Variants in ILDR1 observed in about 807,000 individuals in gnomAD.
ILDR1 encodes the protein immunoglobulin like domain containing receptor 1.
ILDR1 carries 56 observed loss-of-function variants against 62.4 expected under a neutral mutation model. The ratio of observed to expected loss-of-function variants is 0.90; its 90% CI spans 0.72 to 1.12. The LOEUF (loss-of-function observed/expected upper bound fraction) is 1.12. Ranked by LOEUF, ILDR1 falls within the 50% of genes most tolerant of loss-of-function variation. The probability of loss-of-function intolerance (pLI) is 0.00; values close to 1 mark genes in which losing one functional copy is unlikely to be tolerated. For synonymous variants in ILDR1, 284 were observed against 277.8 expected (o/e 1.02, Z -0.22); for missense variants, 736 against 710.6 (o/e 1.04, Z -0.41).
the ILDR1 span, chr3:122,055,301 C>CA: frequency 1.7e-6 from 1 of 583,622 alleles, no homozygotes; most frequent in African/African-American, 1.9e-5. Context: ...CAAGTGTGGT[C>CA]AAAATCTGTA....
chr3:121,999,886 A>C (rs1248018930), intron 5 of ILDR1, among the ~76,000 whole-genome samples: 1 of 152,194 alleles, frequency 6.6e-6, no homozygotes, highest in Non-Finnish European at 1.5e-5. Flanking sequence ...GATAAGGTCT[A>C]ATTCTTCTTT....
At position 121,994,323 on chromosome 3, in the gene ILDR1, A is replaced by T; in HGVS notation, c.647-10T>A. On this transcript the variant is annotated splice_polypyrimidine_tract_variant and intron_variant, in intron 5 of 7. Coordinates refer to ENST00000344209, the MANE Select transcript of ILDR1 (RefSeq NM_001199799.2). ...CGGTGGCGGGCCAGGGCTGCAGGGA[A>T]AGAAGGAGAAATGCAGGCCCTCAGC... 6.5e-7 allele frequency: 1 copy of T among 1,529,798 alleles called. No individual in the cohort carries two copies. The highest frequency in any genetic ancestry group is 1.7e-4 in the Middle Eastern group (1 of 5,782). The allele number at this position is 1,529,798 out of a possible 1,614,324, so 94.8% of individuals were successfully genotyped here. A position where few individuals can be genotyped will look rare whatever the true frequency, so the allele number is the denominator to read the frequency against.
intron 6 of ILDR1, 25 bp downstream of exon 6, chr3:121,994,155 CTA>C: frequency 6.5e-7 from 1 of 1,535,318 alleles, no homozygotes; most frequent in Non-Finnish European, 8.7e-7. Context: ...CTGCCCTCCC[CTA>C]TCCCAAATCT....
chr3:122,025,844 T>C (rs966448491), upstream of ILDR1, among the ~76,000 whole-genome samples: 1 of 152,196 alleles, frequency 6.6e-6, no homozygotes, highest in East Asian at 1.9e-4. Context: ...CACTAGAAGA[T>C]TCAGACTATG....
chr3:121,994,047 A>C, intron 6 of ILDR1, 77 bp from the exon 7 acceptor site: 1 of 1,519,110 alleles, frequency 6.6e-7, no homozygotes, highest in Non-Finnish European at 8.9e-7. Context: ...TCAAAATGTG[A>C]CATTGGTTAG....
At chr3:121,991,576 GT>G (rs1463859960) in intron 7 of ILDR1, among the ~76,000 whole-genome samples, 1 of 152,230 alleles carries the variant, frequency 6.6e-6, no homozygotes, top group Non-Finnish European at 1.5e-5. Flanking sequence ...TAAGTAAGAT[GT>G]TATATAAGAT....
At chr3:122,029,511 A>AT in the ILDR1 span, among the ~76,000 whole-genome samples, 16 of 139,496 alleles carry the variant, frequency 1.1e-4, no homozygotes, top group East Asian at 2.0e-4. Context: ...GTCTAAAAAA[A>AT]ATATATATAT....
intron 1 of ILDR1, 179 bp from the exon 2 acceptor site, chr3:122,007,340 G>T: frequency 1.5e-6 from 2 of 1,367,474 alleles, no homozygotes; most frequent in South Asian, 2.5e-5. Flanking sequence ...GGGTGAGAAC[G>T]CACTCAGCAG....
chr3:122,005,210 C>G, intron 3 of ILDR1, 34 bp downstream of exon 3: 1 of 1,198,858 alleles, frequency 8.3e-7, no homozygotes, highest in Non-Finnish European at 1.2e-6. Flanking sequence ...CCTCCCCCCA[C>G]CCCCAGTTCC....
At chr3:122,017,908 T>C (rs1467928054) in intron 1 of ILDR1, among the ~76,000 whole-genome samples, 2 of 151,892 alleles carry the variant, frequency 1.3e-5, no homozygotes, top group Non-Finnish European at 2.9e-5. Context: ...GCGGGAGAGG[T>C]TGTGGAAAAA....
intron 5 of ILDR1, among the ~76,000 whole-genome samples, chr3:122,000,095 C>T (rs1296349351): frequency 6.6e-6 from 1 of 151,552 alleles, no homozygotes; most frequent in African/African-American, 2.4e-5. Context: ...TGTTTTTTCC[C>T]TGGGTATGCC....
chr3:122,048,634 C>A, the ILDR1 span, among the ~76,000 whole-genome samples: 1 of 152,142 alleles, frequency 6.6e-6, no homozygotes, highest in South Asian at 2.1e-4. Flanking sequence ...TTATCTATTT[C>A]TTTATGATTC....
At chr3:122,038,436 C>A in the ILDR1 span, among the ~76,000 whole-genome samples, 13 of 152,182 alleles carry the variant, frequency 8.5e-5, no homozygotes, top group Non-Finnish European at 1.9e-4. Context: ...ATACTAACAA[C>A]AAACTTCAAA....
Position 122,007,109 on chromosome 3 carries a change from C to A in ILDR1, c.111G>T (p.Leu37=), listed in dbSNP as rs1417947882. 3.1e-6 allele frequency: 5 copies of A among 1,614,042 alleles called. No homozygotes were observed. The highest frequency in any genetic ancestry group is 4.2e-6 in the Non-Finnish European group (5 of 1,180,034). The change falls in exon 2 of 8, where the codon CTG becomes CTT. Residue 37 remains leucine, a synonymous_variant. Coordinates refer to ENST00000344209, the MANE Select transcript of ILDR1 (RefSeq NM_001199799.2). The stretch of plus-strand genomic sequence containing the variant: ...CACATTTGAGGATGATAGAGGCAAA[C>A]AGGGTGACATAGCGTTCTGTGTGCT... ...TVQHTERYVT[L]FASIILKCDY...
chr3:122,044,506 T>C, the ILDR1 span, among the ~76,000 whole-genome samples: 3 of 149,942 alleles, frequency 2.0e-5, no homozygotes, highest in Non-Finnish European at 4.4e-5. Flanking sequence ...CAGCTCCTCC[T>C]TGTACCTCTG....
intron 5 of ILDR1, among the ~76,000 whole-genome samples, chr3:122,000,253 G>GA (rs757632692): frequency 0.01 from 1,271 of 126,638 alleles, 9 homozygotes; most frequent in African/African-American, 0.026. Context: ...AGTTAAGGAG[G>GA]AAAAAAAAAA....
chr3:122,041,744 G>C, the ILDR1 span, among the ~76,000 whole-genome samples: 1 of 151,452 alleles, frequency 6.6e-6, no homozygotes, highest in South Asian at 2.1e-4. Context: ...ACTGATTTTT[G>C]TGTGTTGATT....
intron 1 of ILDR1, among the ~76,000 whole-genome samples, chr3:122,011,938 T>C (rs1489068272): frequency 1.3e-5 from 2 of 152,132 alleles, no homozygotes; most frequent in East Asian, 3.8e-4. Context: ...AGTGTCAGCA[T>C]CAGGATTTGA....
rs145780470 is a variant in ILDR1 at position 121,996,481 on chromosome 3, C to T, written c.647-2168G>A. Among the ~76,000 whole-genome samples the T allele has an allele frequency of 5.9e-5, 9 of 152,270 alleles. No homozygotes were observed. In the East Asian group the frequency reaches 1.7e-3, roughly 29 times the overall value. On this transcript the variant is annotated intron_variant, in intron 5 of 7. Transcript: ENST00000344209. ...TTGAGCTTTTCTCTTGCGTGCCTTC[C>T]CCTGCATCCCTGAAAACAGCCTCAC...
Sources: gnomAD v4.1 joint callset for allele counts (sites outside exome capture counted in the v4.1 genomes callset) on GRCh38, gnomAD v4.1.1 for gene constraint, MANE v1.5 for transcripts, NCBI Gene and HGNC (gene_info 2026-07-23, HGNC 2026-07-21) for gene names.